POLR3A: variants seen among roughly 807,000 people sequenced by gnomAD.
The protein encoded by POLR3A is RNA polymerase III subunit A.
In POLR3A, 112 loss-of-function variants were observed where a neutral mutation model predicts 152.8. That is an observed-to-expected ratio of 0.73 (90% CI 0.63 to 0.86). POLR3A has a LOEUF of 0.86. Among genes scored for constraint, POLR3A ranks in the 40% least tolerant of loss-of-function variants. The pLI, the probability that POLR3A is intolerant of heterozygous loss-of-function variation, is 0.00. For synonymous variants in POLR3A, 615 were observed against 652.1 expected, an observed-to-expected ratio of 0.94 and a Z score of 0.87; for missense variants, 1,385 against 1,743.1, an observed-to-expected ratio of 0.79 and a Z score of 3.66.
rs149961298 is a variant in POLR3A at position 77,981,497 on chromosome 10, G to A, written c.3822C>T (p.Thr1274=). 431 of 1,613,834 alleles carry A rather than the reference G, an allele frequency of 2.7e-4. 1 individual carries two copies. Among genetic ancestry groups the A allele is most frequent in the Non-Finnish European group, 3.5e-4 (408 of 1,179,894 alleles). Residue 1274 remains threonine, a synonymous_variant, in exon 29 of 31, where the codon ACC becomes ACT. Coordinates refer to ENST00000372371, the MANE Select transcript of POLR3A (RefSeq NM_007055.4). ...CGATGCTCATGCCGTGGTTCACCAT[G>A]GTGTACTGGATTTCATTGATGATCG... ...RTTIINEIQY[T]MVNHGMSIDR...
At chr10:77,979,671 CG>C (rs1218523041) in intron 30 of POLR3A, among the ~76,000 whole-genome samples, 1 of 152,186 alleles carries the variant, frequency 6.6e-6, no homozygotes, top group Non-Finnish European at 1.5e-5. Context: ...CCACACCCCA[CG>C]GGTGGGTAGA....
intron 15 of POLR3A, among the ~76,000 whole-genome samples, chr10:78,005,124 CAGAGACCTTACGATCT>C (rs1847398570): frequency 6.6e-6 from 1 of 152,210 alleles, no homozygotes; most frequent in Admixed American, 6.5e-5. Context: ...TGACTTCTCT[CAGAGACCTTACGATCT>C]GGTGGGGAAA....
chr10:77,990,902 C>A, intron 21 of POLR3A, 152 bp downstream of exon 21: 2 of 647,104 alleles, frequency 3.1e-6, no homozygotes, highest in Non-Finnish European at 5.6e-6. Context: ...GCATGAGCCA[C>A]CATGCCTGGC....
chr10:77,982,769 C>T lies in POLR3A; in HGVS notation c.3478G>A (p.Val1160Met). The T allele has an allele frequency of 6.2e-7, 1 of 1,614,104 alleles. No homozygotes were observed. Reference protein sequence around the residue: ...RYSICTSKLRVKPGDVAVHGE... With the variant: ...RYSICTSKLRMKPGDVAVHGE... ...TGAACAGCCACATCACCGGGCTTCA[C>T]ACGGAGCTTGGATGTGCAGATGGAA... Residue 1160 changes from valine (V) to methionine (M), a missense_variant, in exon 27 of 31, where the codon GTG becomes ATG. By Grantham distance (21) the Val-to-Met change is conservative. Transcript: ENST00000372371.
At chr10:78,019,870 TA>T (rs764453901) in intron 8 of POLR3A, 2,845 of 137,420 alleles carry the variant, frequency 0.021, 46 homozygotes, top group African/African-American at 0.052. Flanking sequence ...GACCTCAATT[TA>T]AAAAAAAAAA....
rs142659442 is a variant in POLR3A at position 78,017,605 on chromosome 10, C to A, written c.1401G>T (p.Ser467=). 13 of 1,614,062 alleles carry A rather than the reference C, an allele frequency of 8.1e-6. No homozygotes were observed. Among genetic ancestry groups the A allele is most frequent in the Non-Finnish European group, 1.1e-5 (13 of 1,180,024 alleles). Residue 467 remains serine, a synonymous_variant, in exon 10 of 31, where the codon TCG becomes TCT. Transcript: ENST00000372371. ...GAGCCATAATGCTCAATTTGTGCAG[C>A]GAGGGCTGCCGATTGAACAGCACCA... The part of the protein sequence containing the change: ...GDVVLFNRQP[S]LHKLSIMAHL...
Position 78,010,546 on chromosome 10 carries a change from G to C in POLR3A, c.1573-6C>G, listed in dbSNP as rs764396140. On this transcript the variant is annotated splice_polypyrimidine_tract_variant and splice_region_variant and intron_variant, in intron 11 of 30. Coordinates refer to ENST00000372371, the MANE Select transcript of POLR3A (RefSeq NM_007055.4). Reference sequence around the variant, plus strand: ...GTTACAAGATTTGCTTTAGTCTGTAGGAAAAGTAAGCGCAGTCAGTTAGCT... The same window carrying C: ...GTTACAAGATTTGCTTTAGTCTGTACGAAAAGTAAGCGCAGTCAGTTAGCT... 2.5e-6 allele frequency: 4 copies of C among 1,611,592 alleles called. No individual in the cohort carries two copies. The highest frequency in any genetic ancestry group is 1.1e-5 in the South Asian group (1 of 91,032).
intron 19 of POLR3A, among the ~76,000 whole-genome samples, chr10:77,996,531 T>C (rs925712116): frequency 2.0e-5 from 3 of 152,028 alleles, no homozygotes; most frequent in African/African-American, 4.8e-5. Flanking sequence ...ATACTATAAA[T>C]ACCTCTATGC....
intron 28 of POLR3A, 117 bp downstream of exon 28, chr10:77,982,037 T>TCA (rs1847149895): frequency 2.6e-5 from 12 of 456,118 alleles, no homozygotes; most frequent in Non-Finnish European, 3.4e-6. Context: ...AGACTCCATC[T>TCA]CAAAAAAAAA....
At position 78,009,879 on chromosome 10, in the gene POLR3A, C is replaced by T. The variant is rs34019581; in HGVS notation, c.1755G>A (p.Pro585=). ...KDEKIKVRLP[P]PTILKPVTLW... Reference sequence around the variant, plus strand: ...CCACACACACCTTTAGGATTGTAGGCGGTGGGAGGCGAACTTTAATTTTCT... The same window carrying T: ...CCACACACACCTTTAGGATTGTAGGTGGTGGGAGGCGAACTTTAATTTTCT... The change falls in exon 13 of 31, where the codon CCG becomes CCA. Residue 585 remains proline (P), a synonymous_variant. Transcript: ENST00000372371. The T allele has an allele frequency of 1.0e-4, 163 of 1,614,042 alleles. No homozygotes were observed. Among genetic ancestry groups the T allele is most frequent in the Non-Finnish European group, 1.3e-4 (151 of 1,179,988 alleles).
In POLR3A at chr10:77,977,475, G is replaced by C; in HGVS notation, c.*3C>G. ...GTCAGGCATGGTCCCCTCTTTCTTT[G>C]GACTATGTGACAAGGGGGATGTGGA... On this transcript the variant is annotated 3_prime_UTR_variant, in exon 31 of 31. Coordinates refer to ENST00000372371, the MANE Select transcript of POLR3A (RefSeq NM_007055.4). 1 of 1,613,924 alleles carries C rather than the reference G, an allele frequency of 6.2e-7. No homozygotes were observed. Among genetic ancestry groups the C allele is most frequent in the Non-Finnish European group, 8.5e-7 (1 of 1,179,852 alleles).
intron 30 of POLR3A, among the ~76,000 whole-genome samples, chr10:77,979,688 T>G (rs985010460): frequency 2.6e-5 from 4 of 152,174 alleles, no homozygotes; most frequent in African/African-American, 9.7e-5. Flanking sequence ...GTAGAGATAC[T>G]TGACACATAT....
chr10:77,988,776 T>C (rs1847221248), intron 21 of POLR3A, among the ~76,000 whole-genome samples: 1 of 152,202 alleles, frequency 6.6e-6, no homozygotes, highest in Admixed American at 6.5e-5. Flanking sequence ...GGGCTTTGCC[T>C]GGCAGTGGCT....
intron 26 of POLR3A, 78 bp downstream of exon 26, chr10:77,983,842 G>A: frequency 1.1e-6 from 1 of 875,732 alleles, no homozygotes; most frequent in South Asian, 1.4e-5. Flanking sequence ...GTCTTGCTTA[G>A]CTCTTGCCCT....
In POLR3A at chr10:78,009,950, C is replaced by T; in HGVS notation, c.1684G>A (p.Ala562Thr). Residue 562 changes from alanine to threonine, a missense_variant, in exon 13 of 31, where the codon GCC becomes ACC. Physicochemically the swap from Ala to Thr is moderately conservative, Grantham distance 58 (BLOSUM62 0). Coordinates refer to ENST00000372371, the MANE Select transcript of POLR3A (RefSeq NM_007055.4). ...LTLKDTFFDR[A>T]KACQIIASIL... The stretch of plus-strand genomic sequence containing the variant: ...GAAGCAATGATTTGGCAAGCCTTGG[C>T]TCGATCAAAGAAAGTGTCCTTGAGA... 1 of 1,614,142 alleles carries T rather than the reference C, an allele frequency of 6.2e-7. No homozygotes were observed. Among genetic ancestry groups the T allele is most frequent in the Non-Finnish European group, 8.5e-7 (1 of 1,180,018 alleles).
At chr10:77,997,264 C>T (rs1032917452) in intron 19 of POLR3A, among the ~76,000 whole-genome samples, 10 of 152,050 alleles carry the variant, frequency 6.6e-5, no homozygotes, top group African/African-American at 2.4e-4. Context: ...GACAGGGATG[C>T]CCTCTCTTAC....
chr10:77,981,397 C>A, intron 29 of POLR3A, 31 bp downstream of exon 29: 2 of 1,611,200 alleles, frequency 1.2e-6, no homozygotes, highest in Non-Finnish European at 1.7e-6. Context: ...TCGGGATGCC[C>A]AGGCAGCCCG....
At position 78,001,054 on chromosome 10, in the gene POLR3A, T is replaced by C; in HGVS notation, c.2400A>G (p.Gly800=). 6.2e-7 allele frequency: 1 copy of C among 1,609,858 alleles called. No homozygotes were observed. Among genetic ancestry groups the C allele is most frequent in the East Asian group, 2.2e-5 (1 of 44,840 alleles). ...CTCGAGAGCCACTGATGGCCTGCTG[T>C]CCCACACAGGCAATCATCTGTGATA... The part of the protein sequence containing the change: ...INISQMIACV[G]QQAISGSRVP... Residue 800 remains glycine (G), a synonymous_variant, in exon 18 of 31, where the codon GGA becomes GGG. Coordinates refer to ENST00000372371, the MANE Select transcript of POLR3A (RefSeq NM_007055.4).
At chr10:78,028,336 T>C (rs951011514) in intron 1 of POLR3A, among the ~76,000 whole-genome samples, 18 of 152,164 alleles carry the variant, frequency 1.2e-4, no homozygotes, top group African/African-American at 4.1e-4. Flanking sequence ...ACCCATTATG[T>C]GCTCTCAAAA....
Sources: allele counts gnomAD v4.1 joint callset (sites outside exome capture counted in the v4.1 genomes callset), GRCh38; gene constraint gnomAD v4.1.1; transcripts MANE v1.5; gene names NCBI Gene and HGNC (gene_info 2026-07-23, HGNC 2026-07-21).